The following CNTN5 variants were observed in gnomAD, a reference collection of about 807,000 sequenced individuals.
CNTN5 encodes contactin 5, also known as contactin-5.
CNTN5 carries 77 observed loss-of-function variants against 129.1 expected under a neutral mutation model. That is an observed-to-expected ratio of 0.60 (90% CI 0.50 to 0.72). CNTN5 has a LOEUF of 0.72. CNTN5 is among the 30% of genes least tolerant of loss of function. CNTN5 has a pLI of 0.00. For missense variants in CNTN5, 1,478 were observed against 1,328.8 expected, an observed-to-expected ratio of 1.11 and a Z score of -1.75; for synonymous variants, 509 against 465.6, an observed-to-expected ratio of 1.09 and a Z score of -1.20.
rs79962637 is a variant in CNTN5 at position 99,758,179 on chromosome 11, G to A, written c.56-61365G>A. On this transcript the variant is annotated intron_variant, in intron 3 of 24. Transcript: ENST00000524871. ...TTATGCAGAAAAACACTGTCCTCAA[G>A]GTTGACCTTAATGACAACATTGTGG... Among the ~76,000 whole-genome samples, 868 of 152,090 alleles carry A rather than the reference G, an allele frequency of 5.7e-3. 8 individuals carry two copies. The highest frequency in any genetic ancestry group is 0.02 in the African/African-American group (823 of 41,518).
At chr11:99,722,731 AGTATTCTGG>A (rs1250822678) in intron 3 of CNTN5, among the ~76,000 whole-genome samples, 1 of 152,038 alleles carries the variant, frequency 6.6e-6, no homozygotes, top group Non-Finnish European at 1.5e-5. Context: ...ATTTTGCTAG[AGTATTCTGG>A]GTGTTCCTGG....
intron 8 of CNTN5, among the ~76,000 whole-genome samples, chr11:99,967,059 G>T (rs1043024566): frequency 6.6e-6 from 1 of 152,126 alleles, no homozygotes; most frequent in Non-Finnish European, 1.5e-5. Flanking sequence ...TGATATCTGA[G>T]TTTAGTTTTG....
intron 9 of CNTN5, among the ~76,000 whole-genome samples, chr11:100,045,865 A>G (rs1367592031): frequency 6.6e-6 from 1 of 152,196 alleles, no homozygotes; most frequent in African/African-American, 2.4e-5. Flanking sequence ...ACCAAAATTG[A>G]TAATTGAAAA....
chr11:99,431,672 G>A (rs1943375818), intron 2 of CNTN5, among the ~76,000 whole-genome samples: 2 of 152,046 alleles, frequency 1.3e-5, no homozygotes, highest in African/African-American at 2.4e-5. Flanking sequence ...TCACCAATTG[G>A]TAAAAACAAA....
intron 9 of CNTN5, among the ~76,000 whole-genome samples, chr11:100,010,960 C>T (rs1363718701): frequency 6.6e-6 from 1 of 152,114 alleles, no homozygotes; most frequent in Non-Finnish European, 1.5e-5. Context: ...TAGCCTGCCC[C>T]ACTGGAACAG....
chr11:99,878,108 T>C (rs1021571973), intron 6 of CNTN5, among the ~76,000 whole-genome samples: 1 of 152,210 alleles, frequency 6.6e-6, no homozygotes, highest in African/African-American at 2.4e-5. Flanking sequence ...GCATCTGGAA[T>C]TGTAGAGCAG....
intron 13 of CNTN5, among the ~76,000 whole-genome samples, chr11:100,188,160 C>G (rs1948360279): frequency 6.6e-6 from 1 of 152,090 alleles, no homozygotes; most frequent in Non-Finnish European, 1.5e-5. Context: ...ATACAAGAGG[C>G]CAGCCAGGTG....
At position 99,826,878 on chromosome 11, in the gene CNTN5, A is replaced by G. The variant is rs1462278178; in HGVS notation, c.277+7113A>G. On this transcript the variant is annotated intron_variant, in intron 4 of 24. Coordinates refer to ENST00000524871, the MANE Select transcript of CNTN5 (RefSeq NM_014361.4). ...TTAAAATAATAATAAAGTCTCTCTC[A>G]TGGGAGGAAGGAAGTAAGGGGGGGA... 2.0e-5 allele frequency among the ~76,000 whole-genome samples: 3 copies of G among 152,144 alleles called. No homozygotes were observed. In the East Asian group the frequency reaches 5.8e-4, roughly 29 times the overall value.
chr11:99,463,778 A>AT (rs35711649), intron 2 of CNTN5, among the ~76,000 whole-genome samples: 146,890 of 152,154 alleles, frequency 0.97, 70,936 homozygotes, highest in East Asian at 1. Flanking sequence ...CTACAAATTA[A>AT]TTAAATTCTG....
chr11:99,481,327 TA>T (rs1945592555), intron 2 of CNTN5, among the ~76,000 whole-genome samples: 1 of 152,202 alleles, frequency 6.6e-6, no homozygotes, highest in African/African-American at 2.4e-5. Flanking sequence ...TTTGTCTTTT[TA>T]ATATGTTCTT....
Position 99,718,437 on chromosome 11 carries a change from T to C in CNTN5, c.56-101107T>C, listed in dbSNP as rs182429779. On this transcript the variant is annotated intron_variant, in intron 3 of 24. Coordinates refer to ENST00000524871, the MANE Select transcript of CNTN5 (RefSeq NM_014361.4). ...CATCTGGAAGAGGGTCTAGGAAAAG[T>C]TCCTGAGTGATTCTGATATATGGCC... Among the ~76,000 whole-genome samples, 44 of 152,262 alleles carry C rather than the reference T, an allele frequency of 2.9e-4. 1 individual carries two copies. Among genetic ancestry groups the C allele is most frequent in the Admixed American group, 2.3e-3 (35 of 15,292 alleles).
intron 7 of CNTN5, among the ~76,000 whole-genome samples, chr11:99,933,427 A>AC (rs1950236086): frequency 6.6e-6 from 1 of 152,174 alleles, no homozygotes; most frequent in African/African-American, 2.4e-5. Context: ...AAGTCATGTA[A>AC]CCACTACCAT....
intron 15 of CNTN5, among the ~76,000 whole-genome samples, chr11:100,203,374 C>G (rs1049299385): frequency 6.6e-6 from 1 of 151,988 alleles, no homozygotes; most frequent in Non-Finnish European, 1.5e-5. Context: ...ATTGCTTTAA[C>G]AACTGAAGTG....
chr11:99,163,899 AGTGT>A (rs773555072), intron 1 of CNTN5, among the ~76,000 whole-genome samples: 90 of 152,246 alleles, frequency 5.9e-4, no homozygotes, highest in Admixed American at 2.0e-4. Context: ...AAAACAATGC[AGTGT>A]GGAACTAGTT....
At position 100,050,323 on chromosome 11, in the gene CNTN5, T is replaced by A. The variant is rs545139141; in HGVS notation, c.981-10889T>A. On this transcript the variant is annotated intron_variant, in intron 9 of 24. Transcript: ENST00000524871. The stretch of plus-strand genomic sequence containing the variant: ...AAAAATGATGAGTTCATGTCCTTTG[T>A]AGGGACATGGATGAAATTGGAAATC... Among the ~76,000 whole-genome samples, 1,190 of 152,222 alleles carry A rather than the reference T, an allele frequency of 7.8e-3. 17 individuals are homozygous for A. The highest frequency in any genetic ancestry group is 0.027 in the African/African-American group (1,129 of 41,528).
intron 9 of CNTN5, among the ~76,000 whole-genome samples, chr11:100,053,231 A>G (rs1262879419): frequency 6.6e-6 from 1 of 151,746 alleles, no homozygotes; most frequent in Non-Finnish European, 1.5e-5. Flanking sequence ...ACCACTAAGA[A>G]AACAATAAGA....
intron 3 of CNTN5, among the ~76,000 whole-genome samples, chr11:99,672,668 C>G (rs150954442): frequency 1.3e-5 from 2 of 150,268 alleles, no homozygotes; most frequent in South Asian, 2.1e-4. Context: ...TCAACTCTCT[C>G]CAATTTTCTC....
chr11:100,003,533 A>G (rs1174390117), intron 9 of CNTN5, among the ~76,000 whole-genome samples: 1 of 152,200 alleles, frequency 6.6e-6, no homozygotes, highest in Non-Finnish European at 1.5e-5. Context: ...TACTAAGGCC[A>G]CAAACAAAGG....
At chr11:99,385,773 G>T (rs1450955300) in intron 2 of CNTN5, among the ~76,000 whole-genome samples, 2 of 152,106 alleles carry the variant, frequency 1.3e-5, no homozygotes. Flanking sequence ...GATGTCGTCA[G>T]AGATCCCATT....
Sources: allele counts gnomAD v4.1 joint callset (sites outside exome capture counted in the v4.1 genomes callset), GRCh38; gene constraint gnomAD v4.1.1; transcripts MANE v1.5; gene names NCBI Gene and HGNC (gene_info 2026-07-23, HGNC 2026-07-21).